VRK2: variants seen among roughly 807,000 people sequenced by gnomAD.
VRK2 encodes VRK serine/threonine kinase 2.
VRK2 carries 60 observed loss-of-function variants against 57.6 expected under a neutral mutation model. The observed-to-expected ratio is 1.04, with a 90% CI of 0.85 to 1.29. The LOEUF is 1.29. Among genes scored for constraint, VRK2 ranks in the 50% most tolerant of loss-of-function variants. The pLI, the probability that VRK2 is intolerant of heterozygous loss-of-function variation, is 0.00. For missense variants in VRK2, 705 were observed against 588.1 expected, an observed-to-expected ratio of 1.20 and a Z score of -2.06; for synonymous variants, 231 against 199.2, an observed-to-expected ratio of 1.16 and a Z score of -1.35.
At chr2:58,046,448 G>T, upstream of VRK2, 4 of 976,926 alleles carry the variant, frequency 4.1e-6, no homozygotes, top group Non-Finnish European at 4.9e-6. Flanking sequence ...TAGCCATTTG[G>T]AAGCTCGTAG....
intron 1 of VRK2, among the ~76,000 whole-genome samples, chr2:57,938,715 A>T (rs1436528043): frequency 6.6e-6 from 1 of 152,134 alleles, no homozygotes. Context: ...AGAAGTTGTC[A>T]CATATCTACA....
chr2:58,143,788 G>C (rs1573378990), intron 11 of VRK2, among the ~76,000 whole-genome samples: 1 of 151,798 alleles, frequency 6.6e-6, no homozygotes, highest in East Asian at 1.9e-4. Flanking sequence ...CATGTTCATT[G>C]CAACACTATT....
At chr2:57,985,328 T>C (rs141699013) in intron 1 of VRK2, among the ~76,000 whole-genome samples, 2,117 of 152,148 alleles carry the variant, frequency 0.014, 27 homozygotes, top group Middle Eastern at 0.031. Flanking sequence ...TACAAATATG[T>C]AAAAGATCAA....
At chr2:57,955,731 A>G (rs1304769159) in intron 1 of VRK2, among the ~76,000 whole-genome samples, 1 of 152,250 alleles carries the variant, frequency 6.6e-6, no homozygotes, top group African/African-American at 2.4e-5. Context: ...CACATCCTGC[A>G]CATGTATCCT....
intron 3 of VRK2, among the ~76,000 whole-genome samples, chr2:58,039,274 T>C (rs1392204101): frequency 6.6e-6 from 1 of 152,124 alleles, no homozygotes; most frequent in African/African-American, 2.4e-5. Flanking sequence ...TGCATCCTAA[T>C]TGCACTTCCT....
In VRK2 at chr2:58,048,924, G is replaced by T. The variant is rs771691608; in HGVS notation, c.93G>T (p.Leu31=). 8 of 1,613,956 alleles carry T rather than the reference G, an allele frequency of 5.0e-6. No individual in the cohort carries two copies. Among genetic ancestry groups the T allele is most frequent in the Non-Finnish European group, 6.8e-6 (8 of 1,179,908 alleles). Residue 31 remains leucine, a synonymous_variant, in exon 2 of 13, where the codon CTG becomes CTT. Transcript: ENST00000340157. ...LDDMEGNQWV[L]GKKIGSGGFG... is the part of the protein sequence containing the mutation. ...ATATGGAAGGCAATCAGTGGGTACT[G>T]GGCAAGAAGATTGGCTCTGGAGGAT... is the stretch of plus-strand genomic sequence containing the variant.
intron 12 of VRK2, among the ~76,000 whole-genome samples, chr2:58,159,015 G>A (rs2104751179): frequency 6.6e-6 from 1 of 152,068 alleles, no homozygotes; most frequent in South Asian, 2.1e-4. Context: ...ACCCCCTTAA[G>A]ATTAAGCCCA....
chr2:58,135,946 C>T (rs771498384), intron 10 of VRK2, among the ~76,000 whole-genome samples: 1 of 152,128 alleles, frequency 6.6e-6, no homozygotes, highest in Non-Finnish European at 1.5e-5. Context: ...GACAGATAAT[C>T]AGAGTGAATC....
At chr2:58,056,435 C>G (rs1331573324) in intron 2 of VRK2, among the ~76,000 whole-genome samples, 1 of 152,114 alleles carries the variant, frequency 6.6e-6, no homozygotes, top group Non-Finnish European at 1.5e-5. Flanking sequence ...CACAATTCAT[C>G]CAGAAGCACT....
intron 1 of VRK2, among the ~76,000 whole-genome samples, chr2:57,983,170 A>G (rs1027670537): frequency 2.0e-5 from 3 of 151,982 alleles, no homozygotes; most frequent in African/African-American, 7.3e-5. Flanking sequence ...ATGCTGATCT[A>G]CTTGAGGGCC....
intron 1 of VRK2, among the ~76,000 whole-genome samples, chr2:58,000,066 G>T (rs1673046535): frequency 6.6e-6 from 1 of 152,028 alleles, no homozygotes; most frequent in Non-Finnish European, 1.5e-5. Context: ...ACCTAAGAAT[G>T]CAAATTTAAT....
chr2:58,129,663 G>T (rs916126806), intron 8 of VRK2, among the ~76,000 whole-genome samples: 1 of 151,764 alleles, frequency 6.6e-6, no homozygotes, highest in Non-Finnish European at 1.5e-5. Flanking sequence ...TTACTCCTCT[G>T]TGTACAGTAG....
At chr2:58,041,065 T>C in intron 3 of VRK2, 1 of 985,126 alleles carries the variant, frequency 1.0e-6, no homozygotes, top group East Asian at 1.1e-4. Context: ...TGCAGGGATG[T>C]TAACTGGGGG....
At chr2:58,133,699 G>C (rs1043009079) in intron 9 of VRK2, among the ~76,000 whole-genome samples, 2 of 152,114 alleles carry the variant, frequency 1.3e-5, no homozygotes, top group Non-Finnish European at 2.9e-5. Context: ...TGAAAGGCTT[G>C]GGACCAGAAG....
chr2:58,137,870 G>T (rs1680769594), intron 10 of VRK2, among the ~76,000 whole-genome samples: 1 of 152,160 alleles, frequency 6.6e-6, no homozygotes, highest in Non-Finnish European at 1.5e-5. Flanking sequence ...AATAAATCCA[G>T]ATCTTGAAAG....
chr2:57,954,269 T>A (rs1041814872), intron 1 of VRK2, among the ~76,000 whole-genome samples: 2 of 152,148 alleles, frequency 1.3e-5, no homozygotes, highest in Admixed American at 1.3e-4. Context: ...AAGGAAGTAA[T>A]CCATATGACC....
rs573490914 is a variant in VRK2 at position 58,062,303 on chromosome 2, C to T, written c.136+13336C>T. On this transcript the variant is annotated intron_variant, in intron 2 of 12. Transcript: ENST00000340157. ...CACCAGCCATGCTCCCATCATTCTC[C>T]CTTTCCTCAGACCTCTCTATTCTCT... Among the ~76,000 whole-genome samples, 11 of 152,106 alleles carry T rather than the reference C, an allele frequency of 7.2e-5. No individual in the cohort carries two copies. The South Asian group carries it at 1.7e-3, about 23-fold the overall frequency.
intron 1 of VRK2, among the ~76,000 whole-genome samples, chr2:57,930,142 A>G (rs1670672357): frequency 6.6e-6 from 1 of 152,168 alleles, no homozygotes; most frequent in South Asian, 2.1e-4. Context: ...CTTGCCGAAG[A>G]ATTGCAGACC....
chr2:57,955,487 C>T (rs532560484), intron 1 of VRK2, among the ~76,000 whole-genome samples: 1 of 152,194 alleles, frequency 6.6e-6, no homozygotes, highest in African/African-American at 2.4e-5. Context: ...ATCAGATTTG[C>T]TGAATTTTCA....
Sources: allele counts gnomAD v4.1 joint callset (sites outside exome capture counted in the v4.1 genomes callset), GRCh38; gene constraint gnomAD v4.1.1; transcripts MANE v1.5; gene names NCBI Gene and HGNC (gene_info 2026-07-23, HGNC 2026-07-21).